Variants in TEX14 observed in about 807,000 individuals in gnomAD.
TEX14 encodes the protein testis expressed 14, intercellular bridge forming factor, also known as inactive serine/threonine-protein kinase TEX14.
TEX14 carries 168 observed loss-of-function variants against 178.6 expected under a neutral mutation model. The ratio of observed to expected loss-of-function variants is 0.94; its 90% confidence interval spans 0.83 to 1.07. TEX14 has a LOEUF of 1.07. Among genes scored for constraint, TEX14 ranks in the 50% least tolerant of loss-of-function variants. The pLI, the probability that TEX14 is intolerant of heterozygous loss-of-function variation, is 0.00. For synonymous variants in TEX14, 626 were observed against 634.1 expected, an observed-to-expected ratio of 0.99 and a Z score of 0.19; for missense variants, 1,730 against 1,753.6, an observed-to-expected ratio of 0.99 and a Z score of 0.24.
chr17:58,582,448 G>A (rs903681225), intron 19 of TEX14, among the ~76,000 whole-genome samples: 2 of 151,802 alleles, frequency 1.3e-5, no homozygotes, highest in African/African-American at 4.8e-5. Context: ...TTAGTAGAGA[G>A]GGGTTTCACT....
At chr17:58,662,558 C>T (rs1467093947) in intron 1 of TEX14, among the ~76,000 whole-genome samples, 1 of 151,940 alleles carries the variant, frequency 6.6e-6, no homozygotes, top group Non-Finnish European at 1.5e-5. Context: ...TTGGAGAGTT[C>T]CCTTACGTGT....
intron 2 of TEX14, among the ~76,000 whole-genome samples, chr17:58,633,274 C>T (rs775702546): frequency 7.9e-5 from 12 of 152,176 alleles, no homozygotes; most frequent in Non-Finnish European, 1.5e-4. Flanking sequence ...AGATCAAACA[C>T]CTCTTCTATG....
At chr17:58,620,082 T>C (rs2045963381) in intron 5 of TEX14, among the ~76,000 whole-genome samples, 1 of 152,080 alleles carries the variant, frequency 6.6e-6, no homozygotes, top group Non-Finnish European at 1.5e-5. Context: ...ACAATTTAAT[T>C]GGAAAACTGG....
In TEX14 at chr17:58,687,319, A is replaced by G. The variant is rs186114090; in HGVS notation, c.-2+4620T>C. Among the ~76,000 whole-genome samples the G allele has an allele frequency of 2.0e-5, 3 of 152,226 alleles. No individual in the cohort carries two copies. In the East Asian group the frequency reaches 5.8e-4, roughly 29 times the overall value. On this transcript the variant is annotated intron_variant, in intron 1 of 31. Transcript: ENST00000349033. ...ACCTAATAAATACAGAAGGCTGTGT[A>G]AAGCTCAGGGCCCTTGTCCACTAGA... is the stretch of plus-strand genomic sequence containing the variant.
intron 2 of TEX14, 89 bp downstream of exon 2, chr17:58,651,777 C>T: frequency 3.2e-6 from 4 of 1,240,948 alleles, no homozygotes; most frequent in Non-Finnish European, 4.4e-6. Flanking sequence ...CCCAAGGACT[C>T]ATTCATACCT....
chr17:58,658,530 CAGAT>C (rs2047017177), intron 1 of TEX14, among the ~76,000 whole-genome samples: 1 of 147,862 alleles, frequency 6.8e-6, no homozygotes, highest in Non-Finnish European at 1.5e-5. Context: ...GCTGGGATTA[CAGAT>C]GTGCGCCACC....
intron 18 of TEX14, 76 bp downstream of exon 18, chr17:58,585,725 A>G (rs1323494557): frequency 1.4e-6 from 2 of 1,468,420 alleles, no homozygotes; most frequent in Non-Finnish European, 1.8e-6. Context: ...AAAGTGCTGG[A>G]ATTACAGGCT....
Position 58,587,798 on chromosome 17 carries a change from T to A in TEX14, c.2702+98A>T, listed in dbSNP as rs1387155185. 4 of 1,218,634 alleles carry A rather than the reference T, an allele frequency of 3.3e-6. No individual in the cohort carries two copies. In the African/African-American group the frequency reaches 6.0e-5, roughly 18 times the overall value. The allele number at this position is 1,218,634 out of a possible 1,614,324, so 75.5% of individuals were successfully genotyped here. A position where few individuals can be genotyped will look rare whatever the true frequency, so the allele number is the denominator to read the frequency against. On this transcript the variant is annotated intron_variant, in intron 16 of 31. Coordinates refer to ENST00000349033, the MANE Select transcript of TEX14 (RefSeq NM_031272.5). ...ACCTGTTCCCTACTCCCTAAGCCAT[T>A]CCTAGAGTTGCACTGACCCCTTTGC...
intron 1 of TEX14, chr17:58,659,482 A>C (rs892461012): frequency 2.9e-5 from 6 of 207,586 alleles, no homozygotes; most frequent in Non-Finnish European, 5.0e-5. Flanking sequence ...CGAAGAACGC[A>C]CTAGAACCGG....
chr17:58,689,368 A>G (rs780796130), intron 1 of TEX14, among the ~76,000 whole-genome samples: 31 of 151,800 alleles, frequency 2.0e-4, no homozygotes, highest in Non-Finnish European at 4.0e-4. Flanking sequence ...CTATAGGCAC[A>G]CATCAACATG....
chr17:58,581,715 A>G, intron 19 of TEX14: 1 of 1,612,752 alleles, frequency 6.2e-7, no homozygotes, highest in Non-Finnish European at 8.5e-7. Flanking sequence ...GAACAAGTTG[A>G]TTGCATGGAC....
chr17:58,685,996 C>CAAAAAAAAAAAAAAAAAAAAACAAAA (rs34156664), intron 1 of TEX14, among the ~76,000 whole-genome samples: 1 of 82,656 alleles, frequency 1.2e-5, no homozygotes, highest in African/African-American at 4.8e-5. Flanking sequence ...CTCTGTCTCA[C>CAAAAAAAAAAAAAAAAAAAAACAAAA]AAAAAAAAAA....
In TEX14 at chr17:58,599,347, C is replaced by G. The variant is rs1227661494; in HGVS notation, c.1998G>C (p.Lys666Asn). The G allele has an allele frequency of 6.2e-7, 1 of 1,614,094 alleles. No homozygotes were observed. Among genetic ancestry groups the G allele is most frequent in the Non-Finnish European group, 8.5e-7 (1 of 1,180,044 alleles). ...ELKSMEEELD[K>N]MEREACCFGS... is the part of the protein sequence containing the mutation. The stretch of plus-strand genomic sequence containing the variant: ...CAAAACAACACGCCTCTCTCTCCAT[C>G]TTATCCAGCTCTTCTTCCATGGATT... The change falls in exon 14 of 32, where the codon AAG becomes AAC. Residue 666 changes from lysine to asparagine, a missense_variant. This residue lies in a region of TEX14 where 941 missense variants were observed against 1,072.4 expected (regional missense o/e 0.88). Transcript: ENST00000349033.
chr17:58,619,635 T>A (rs1325393020), intron 5 of TEX14, among the ~76,000 whole-genome samples: 2 of 151,908 alleles, frequency 1.3e-5, no homozygotes, highest in African/African-American at 4.8e-5. Flanking sequence ...TGAAACCCCA[T>A]CTCTACTAAA....
Position 58,611,176 on chromosome 17 carries a change from T to C in TEX14, c.1169A>G (p.Glu390Gly). 1 of 1,613,660 alleles carries C rather than the reference T, an allele frequency of 6.2e-7. No homozygotes were observed. Among genetic ancestry groups the C allele is most frequent in the Non-Finnish European group, 8.5e-7 (1 of 1,179,676 alleles). Residue 390 changes from glutamate (E) to glycine (G), a missense_variant, in exon 10 of 32, where the codon GAG (glutamate) becomes GGG (glycine). Around this residue, in one of 2 missense-constraint regions of TEX14, gnomAD observed 789 missense variants for 681.2 expected, o/e 1.16. Transcript: ENST00000349033. ...SPGEARLTNL[E>G]YMLESEDRGV... The stretch of plus-strand genomic sequence containing the variant: ...TTATGCCCACCTTTCCAACATGTAC[T>C]CCAGGTTGGTCAGCCTCGCTTCACC...
rs1447287058 is a variant in TEX14 at position 58,571,231 on chromosome 17, TTTTC to T, written c.3717+686_3717+689del. Among the ~76,000 whole-genome samples, 14 of 88,886 alleles carry T rather than the reference TTTTC, an allele frequency of 1.6e-4. No individual in the cohort carries two copies. In the South Asian group the frequency reaches 5.3e-3, roughly 34 times the overall value. 58.3% of individuals were successfully genotyped at this position (88,886 alleles called of 152,430 possible). ...TTTCATAAAGGAACTTGTACTTTTC[TTTTC>T]TTTTTTTTTTTTTTTTTGGAGACAG... On this transcript the variant is annotated intron_variant, in intron 24 of 31. Coordinates refer to ENST00000349033, the MANE Select transcript of TEX14 (RefSeq NM_031272.5).
At chr17:58,634,217 A>G (rs2046384142) in intron 2 of TEX14, among the ~76,000 whole-genome samples, 1 of 151,714 alleles carries the variant, frequency 6.6e-6, no homozygotes, top group African/African-American at 2.4e-5. Context: ...GTTCAAGACC[A>G]GCTTGGCCAA....
chr17:58,638,696 G>A (rs1388783547), intron 2 of TEX14, among the ~76,000 whole-genome samples: 2 of 151,592 alleles, frequency 1.3e-5, no homozygotes, highest in African/African-American at 2.4e-5. Flanking sequence ...ATGCCACGAC[G>A]CCTGCCTAAT....
chr17:58,585,880 A>G lies in TEX14; in HGVS notation c.2991T>C (p.Asn997=), dbSNP rs1407975429. ...YHRENDEPRG[N]GKFDKTGNND... Reference sequence around the variant, plus strand: ...TGTTGCCCGTCTTGTCAAACTTGCCATTTCCTCTGGGCTCATCATTTTCCC... The same window carrying G: ...TGTTGCCCGTCTTGTCAAACTTGCCGTTTCCTCTGGGCTCATCATTTTCCC... The change falls in exon 18 of 32, where the codon AAT becomes AAC. Residue 997 remains asparagine, a synonymous_variant. Coordinates refer to ENST00000349033, the MANE Select transcript of TEX14 (RefSeq NM_031272.5). 3 of 1,613,644 alleles carry G rather than the reference A, an allele frequency of 1.9e-6. No homozygotes were observed. In the African/African-American group the frequency reaches 4.0e-5, roughly 22 times the overall value.
Sources: allele counts gnomAD v4.1 joint callset (sites outside exome capture counted in the v4.1 genomes callset), GRCh38; gene constraint gnomAD v4.1.1; regional missense constraint gnomAD v4.1.1; transcripts MANE v1.5; gene names NCBI Gene and HGNC (gene_info 2026-07-23, HGNC 2026-07-21).